DGLUCY: variants seen among roughly 807,000 people sequenced by gnomAD.
DGLUCY encodes the protein D-glutamate cyclase, mitochondrial.
In DGLUCY, 58 loss-of-function variants were observed where a neutral mutation model predicts 58.5. That is an observed-to-expected ratio of 0.99 (90% CI 0.80 to 1.23). The LOEUF (loss-of-function observed/expected upper bound fraction) is 1.23, where lower values mean the gene tolerates loss of function less well. DGLUCY is among the 50% of genes most tolerant of loss of function. The pLI, the probability that DGLUCY is intolerant of heterozygous loss-of-function variation, is 0.00. For missense variants in DGLUCY, 779 were observed against 784.7 expected (o/e 0.99, Z 0.09); for synonymous variants, 325 against 314.1 (o/e 1.03, Z -0.37).
At chr14:91,071,334 C>CAAAAAAAAAAA (rs3086750) in intron 1 of DGLUCY, among the ~76,000 whole-genome samples, 3 of 84,230 alleles carry the variant, frequency 3.6e-5, no homozygotes, top group Non-Finnish European at 4.8e-5. Flanking sequence ...GAGATTCCAC[C>CAAAAAAAAAAA]AAAAAAAAAA....
rs537568455 is a variant in DGLUCY, at chr14:91,153,174, G to A, written c.-81-4465G>A. The stretch of plus-strand genomic sequence containing the variant: ...TGCTCTGCCCATCCCTCCTGACAGT[G>A]AGCTTTATTTACTTATTTATTTATT... On this transcript the variant is annotated intron_variant, in intron 1 of 13. Coordinates refer to ENST00000256324, the MANE Select transcript of DGLUCY (RefSeq NM_001102368.3). Among the ~76,000 whole-genome samples, 88 of 152,108 alleles carry A rather than the reference G, an allele frequency of 5.8e-4. 1 individual carries two copies. The highest frequency in any genetic ancestry group is 2.1e-3 in the African/African-American group (86 of 41,494).
At chr14:91,164,739 A>G (rs1007574128) in intron 3 of DGLUCY, among the ~76,000 whole-genome samples, 8 of 152,182 alleles carry the variant, frequency 5.3e-5, no homozygotes, top group African/African-American at 1.9e-4. Flanking sequence ...GGGTGGAATG[A>G]CACAATCACC....
intron 8 of DGLUCY, among the ~76,000 whole-genome samples, chr14:91,186,943 T>C (rs141063710): frequency 6.6e-6 from 1 of 152,118 alleles, no homozygotes; most frequent in African/African-American, 2.4e-5. Flanking sequence ...AATGCAAGTT[T>C]CCTGGTTCTA....
chr14:91,159,301 G>A (rs1251549015), intron 2 of DGLUCY, among the ~76,000 whole-genome samples: 1 of 152,028 alleles, frequency 6.6e-6, no homozygotes, highest in Admixed American at 6.5e-5. Context: ...ACAAAAACAA[G>A]CCAGGTGTCG....
chr14:91,173,140 T>G (rs1251463102), intron 5 of DGLUCY, 149 bp from the exon 6 acceptor site: 1 of 868,778 alleles, frequency 1.2e-6, no homozygotes, highest in Non-Finnish European at 1.7e-6. Flanking sequence ...AAACTCCCTC[T>G]CTCTATGTCA....
chr14:91,172,641 A>G (rs187285761), intron 5 of DGLUCY, among the ~76,000 whole-genome samples: 37 of 147,806 alleles, frequency 2.5e-4, no homozygotes, highest in African/African-American at 8.7e-4. Context: ...ATTGTCTCAC[A>G]TTTTTCCTTT....
At chr14:91,145,488 G>A (rs771737148) in intron 1 of DGLUCY, among the ~76,000 whole-genome samples, 2 of 152,152 alleles carry the variant, frequency 1.3e-5, no homozygotes, top group Non-Finnish European at 2.9e-5. Context: ...GAGTCTGGAG[G>A]GAGGGGTCCA....
chr14:91,185,103 G>A (rs1001437825), intron 8 of DGLUCY, among the ~76,000 whole-genome samples: 6 of 151,680 alleles, frequency 4.0e-5, no homozygotes, highest in African/African-American at 1.5e-4. Flanking sequence ...AACGTAGCTG[G>A]GATTACAGGC....
At chr14:91,154,665 C>T (rs1042177826) in intron 1 of DGLUCY, among the ~76,000 whole-genome samples, 21 of 152,122 alleles carry the variant, frequency 1.4e-4, no homozygotes, top group African/African-American at 4.8e-4. Flanking sequence ...TTCACACCTG[C>T]GAGAGAGACT....
At chr14:91,199,721 A>G (rs2050436269) in intron 10 of DGLUCY, 36 bp from the exon 11 acceptor site, 2 of 1,611,276 alleles carry the variant, frequency 1.2e-6, no homozygotes, top group East Asian at 4.5e-5. Flanking sequence ...ACCTCTCCAT[A>G]GGACCCTCTG....
rs6562 is a variant in DGLUCY, at chr14:91,225,127, G to A, written c.*294G>A. 29,722 of 245,624 alleles carry A rather than the reference G, an allele frequency of 0.12. 2,321 individuals carry two copies. Among genetic ancestry groups the A allele is most frequent in the Non-Finnish European group, 0.17 (21,568 of 128,328 alleles). The allele number at this position is 245,624 out of a possible 1,614,324, so 15.2% of individuals were successfully genotyped here. A position where few individuals can be genotyped will look rare whatever the true frequency, so the allele number is the denominator to read the frequency against. On this transcript the variant is annotated 3_prime_UTR_variant, in exon 14 of 14. Coordinates refer to ENST00000256324, the MANE Select transcript of DGLUCY (RefSeq NM_001102368.3). ...CTTCAGGCAACCCACGTGGTCTCCT[G>A]TGAGAATCTTCTCGACAGTTACTTA...
chr14:91,175,670 C>T, intron 6 of DGLUCY: 1 of 358,026 alleles, frequency 2.8e-6, no homozygotes, highest in South Asian at 2.5e-5. Flanking sequence ...AGGCTCAATG[C>T]ACCCAAGGAT....
intron 5 of DGLUCY, among the ~76,000 whole-genome samples, chr14:91,172,669 T>G (rs1397518179): frequency 6.6e-6 from 1 of 151,842 alleles, no homozygotes; most frequent in Non-Finnish European, 1.5e-5. Context: ...TTCTTTGAGA[T>G]GGAGTCTTGC....
chr14:91,207,519 C>G (rs1041136264), intron 12 of DGLUCY, among the ~76,000 whole-genome samples: 3 of 152,116 alleles, frequency 2.0e-5, no homozygotes, highest in African/African-American at 7.2e-5. Context: ...AACCATAGAT[C>G]CGGGAAGCTG....
intron 1 of DGLUCY, among the ~76,000 whole-genome samples, chr14:91,140,671 AAAAC>A (rs1165964448): frequency 3.3e-5 from 5 of 152,192 alleles, no homozygotes; most frequent in Non-Finnish European, 7.3e-5. Context: ...ACCCCTTTCC[AAAAC>A]AAACAAACAA....
chr14:91,096,629 G>A (rs2044398970), intron 1 of DGLUCY, among the ~76,000 whole-genome samples: 1 of 152,188 alleles, frequency 6.6e-6, no homozygotes, highest in African/African-American at 2.4e-5. Flanking sequence ...CCCTTAGAGT[G>A]TCGGGGTCCA....
chr14:91,121,770 C>A (rs561683329), intron 1 of DGLUCY, among the ~76,000 whole-genome samples: 3 of 152,220 alleles, frequency 2.0e-5, no homozygotes, highest in Non-Finnish European at 2.9e-5. Context: ...GTGCCAGGCA[C>A]TGTTCAGTAT....
intron 12 of DGLUCY, among the ~76,000 whole-genome samples, chr14:91,207,788 C>T (rs897000691): frequency 1.3e-5 from 2 of 150,714 alleles, no homozygotes; most frequent in Non-Finnish European, 2.9e-5. Flanking sequence ...CTCTTGTTGC[C>T]GAGGCTGGAG....
intron 13 of DGLUCY, among the ~76,000 whole-genome samples, chr14:91,222,441 G>A (rs1887652730): frequency 6.6e-6 from 1 of 152,238 alleles, no homozygotes; most frequent in African/African-American, 2.4e-5. Context: ...CAGTGGAGAA[G>A]AGAAGCGAGA....
Sources: allele counts gnomAD v4.1 joint callset (sites outside exome capture counted in the v4.1 genomes callset), GRCh38; gene constraint gnomAD v4.1.1; transcripts MANE v1.5; gene names NCBI Gene and HGNC (gene_info 2026-07-23, HGNC 2026-07-21).